The following KIAA1549L variants were observed in gnomAD, a reference collection of about 807,000 sequenced individuals.
KIAA1549L encodes the protein UPF0606 protein KIAA1549L.
A neutral mutation model predicts 160.7 loss-of-function variants in KIAA1549L; 88 were observed. The ratio of observed to expected loss-of-function variants is 0.55; its 90% CI spans 0.46 to 0.65. The LOEUF is 0.65. Among genes scored for constraint, KIAA1549L ranks in the 30% least tolerant of loss-of-function variants. The pLI is 0.00. For missense variants in KIAA1549L, 2,258 were observed against 2,437.5 expected (o/e 0.93, Z 1.55); for synonymous variants, 950 against 976.7 (o/e 0.97, Z 0.51).
intron 1 of KIAA1549L, among the ~76,000 whole-genome samples, chr11:33,399,196 A>G (rs1332676542): frequency 6.6e-6 from 1 of 151,966 alleles, no homozygotes; most frequent in African/African-American, 2.4e-5. Context: ...CAAGTGATCC[A>G]CCTGCTTTTG....
In KIAA1549L at chr11:33,496,830, G is replaced by T. The variant is rs150664773; in HGVS notation, c.239-44972G>T. 1.6e-4 allele frequency among the ~76,000 whole-genome samples: 24 copies of T among 152,220 alleles called. 1 individual carries two copies. In the East Asian group the frequency reaches 4.4e-3, roughly 28 times the overall value. ...GCTCCTATGGTGACCATAAGACCCTGTGATCTAACTCCTTCTGCCTCCTTT... is the reference window on the plus strand; with the variant it reads ...GCTCCTATGGTGACCATAAGACCCTTTGATCTAACTCCTTCTGCCTCCTTT... On this transcript the variant is annotated intron_variant, in intron 1 of 20. Coordinates refer to ENST00000658780, the MANE Select transcript of KIAA1549L (RefSeq NM_012194.3).
At chr11:33,431,387 C>T (rs573448955) in intron 1 of KIAA1549L, among the ~76,000 whole-genome samples, 115 of 151,884 alleles carry the variant, frequency 7.6e-4, no homozygotes, top group African/African-American at 2.6e-3. Flanking sequence ...TTTGACAGGG[C>T]GCTGATTGGT....
chr11:33,458,732 C>A (rs190495051), intron 1 of KIAA1549L, among the ~76,000 whole-genome samples: 29 of 152,318 alleles, frequency 1.9e-4, no homozygotes, highest in African/African-American at 7.0e-4. Context: ...GGGCAAGTGG[C>A]CCCTACCCAG....
At chr11:33,610,747 C>T (rs1850627687) in intron 15 of KIAA1549L, among the ~76,000 whole-genome samples, 1 of 152,202 alleles carries the variant, frequency 6.6e-6, no homozygotes, top group Non-Finnish European at 1.5e-5. Context: ...TGGCATCTGT[C>T]TTAGTTCTTT....
intron 1 of KIAA1549L, among the ~76,000 whole-genome samples, chr11:33,435,818 G>GTGTGTGTGTGTGTGTGTGTGTGTA (rs1554976830): frequency 2.9e-4 from 13 of 45,300 alleles, no homozygotes; most frequent in African/African-American, 8.5e-4. Context: ...ATATGTGTGT[G>GTGTGTGTGTGTGTGTGTGTGTGTA]TATATATATA....
rs1852161713 is a variant in KIAA1549L, at chr11:33,658,828, C to T, written c.5937C>T (p.Ala1979=). The T allele has an allele frequency of 6.4e-7, 1 of 1,564,274 alleles. No homozygotes were observed. Among genetic ancestry groups the T allele is most frequent in the South Asian group, 1.2e-5 (1 of 84,544 alleles). Residue 1979 remains alanine (A), a synonymous_variant, in exon 19 of 21, where the codon GCC becomes GCT. Coordinates refer to ENST00000658780, the MANE Select transcript of KIAA1549L (RefSeq NM_012194.3). ...AGCCGGCCCAGCTGCACGACAGCGC[C>T]TCCTTCACGCAGATGTCCAGAGGCC... The part of the protein sequence containing the change: ...GPEPAQLHDS[A]SFTQMSRGPV...
chr11:33,618,349 G>GA lies in KIAA1549L; in HGVS notation c.5280-173dup, dbSNP rs58112331. On this transcript the variant is annotated intron_variant, in intron 15 of 20. Transcript: ENST00000658780. ...TTCAGCCAAATGATTACAGCATCTGGAAAAAAAAAAATCTTTATTTCACTC... is the reference window on the plus strand; with the variant it reads ...TTCAGCCAAATGATTACAGCATCTGGAAAAAAAAAAAATCTTTATTTCACTC... 4.9e-3 allele frequency among the ~76,000 whole-genome samples: 726 copies of GA among 148,224 alleles called. 2 individuals are homozygous for GA. Among genetic ancestry groups the GA allele is most frequent in the African/African-American group, 0.014 (580 of 40,782 alleles).
chr11:33,644,013 G>A (rs574177648), intron 16 of KIAA1549L, among the ~76,000 whole-genome samples: 1 of 152,296 alleles, frequency 6.6e-6, no homozygotes, highest in East Asian at 1.9e-4. Context: ...AGTTTGGGGG[G>A]CATGCACCCA....
At chr11:33,662,506 C>G (rs759780723) in intron 20 of KIAA1549L, among the ~76,000 whole-genome samples, 1 of 152,184 alleles carries the variant, frequency 6.6e-6, no homozygotes, top group Non-Finnish European at 1.5e-5. Context: ...TTGTCATTCT[C>G]TGCTATTCCA....
At chr11:33,547,433 AG>A (rs1854302077) in intron 3 of KIAA1549L, among the ~76,000 whole-genome samples, 1 of 152,172 alleles carries the variant, frequency 6.6e-6, no homozygotes, top group Non-Finnish European at 1.5e-5. Context: ...GCACCTAAGG[AG>A]GCTGTCCATG....
intron 1 of KIAA1549L, among the ~76,000 whole-genome samples, chr11:33,521,204 T>C (rs1853484886): frequency 1.3e-5 from 2 of 152,152 alleles, no homozygotes; most frequent in Admixed American, 1.3e-4. Context: ...AGGTAAACTC[T>C]TCATATTTTC....
intron 16 of KIAA1549L, among the ~76,000 whole-genome samples, chr11:33,619,256 G>C (rs562714310): frequency 6.6e-6 from 1 of 152,284 alleles, no homozygotes; most frequent in African/African-American, 2.4e-5. Context: ...CCTGTGACTT[G>C]TCCTTGGACC....
Position 33,435,802 on chromosome 11 carries a change from A to ATATGTGTG in KIAA1549L, c.238+58916_238+58917insGTGTGTAT, listed in dbSNP as rs1565135923. 1.6e-3 allele frequency among the ~76,000 whole-genome samples: 27 copies of ATATGTGTG among 16,474 alleles called. 1 individual carries two copies. Among genetic ancestry groups the ATATGTGTG allele is most frequent in the African/African-American group, 9.1e-3 (23 of 2,538 alleles). The allele number at this position is 16,474 out of a possible 152,430, so 10.8% of individuals were successfully genotyped here. ...TATATATATATATATATATATATATATATATATATGTGTGTGTATATATAT... is the reference window on the plus strand; with the variant it reads ...TATATATATATATATATATATATATATATGTGTGTATATATATGTGTGTGTATATATAT... On this transcript the variant is annotated intron_variant, in intron 1 of 20. Coordinates refer to ENST00000658780, the MANE Select transcript of KIAA1549L (RefSeq NM_012194.3).
At chr11:33,653,557 C>T (rs965914920) in intron 17 of KIAA1549L, among the ~76,000 whole-genome samples, 8 of 152,194 alleles carry the variant, frequency 5.3e-5, no homozygotes, top group African/African-American at 1.9e-4. Context: ...TATTGTTTCA[C>T]TACAGTGTAT....
chr11:33,429,822 C>T (rs1851194333), intron 1 of KIAA1549L, among the ~76,000 whole-genome samples: 1 of 152,148 alleles, frequency 6.6e-6, no homozygotes. Flanking sequence ...GATCCCTGCT[C>T]ACAGCCTCCA....
chr11:33,386,180 C>T (rs1437586552), intron 1 of KIAA1549L, among the ~76,000 whole-genome samples: 2 of 152,150 alleles, frequency 1.3e-5, no homozygotes, highest in African/African-American at 4.8e-5. Context: ...AAATATCAGT[C>T]TTTCTCTAGA....
intron 10 of KIAA1549L, among the ~76,000 whole-genome samples, chr11:33,581,608 G>A (rs546659502): frequency 6.6e-5 from 10 of 152,196 alleles, no homozygotes; most frequent in Admixed American, 3.9e-4. Flanking sequence ...CTATCACAGC[G>A]CCTAACACAC....
At chr11:33,555,025 C>G (rs1854601048) in intron 6 of KIAA1549L, among the ~76,000 whole-genome samples, 1 of 152,176 alleles carries the variant, frequency 6.6e-6, no homozygotes, top group Non-Finnish European at 1.5e-5. Context: ...TTTCAGGGAT[C>G]AGTGCCATGA....
At chr11:33,587,108 A>AAT (rs1849906849) in intron 11 of KIAA1549L, among the ~76,000 whole-genome samples, 1 of 152,234 alleles carries the variant, frequency 6.6e-6, no homozygotes, top group Non-Finnish European at 1.5e-5. Context: ...GGATTAAGTT[A>AAT]ATATATATAC....
Sources: allele counts gnomAD v4.1 joint callset (sites outside exome capture counted in the v4.1 genomes callset), GRCh38; gene constraint gnomAD v4.1.1; transcripts MANE v1.5; gene names NCBI Gene and HGNC (gene_info 2026-07-23, HGNC 2026-07-21).